Variants in NCAPH observed in about 807,000 individuals in gnomAD.
NCAPH encodes the protein non-SMC condensin I complex subunit H.
A neutral mutation model predicts 85.5 loss-of-function variants in NCAPH; 38 were observed. The ratio of observed to expected loss-of-function variants is 0.44; its 90% CI spans 0.34 to 0.58. NCAPH has a LOEUF of 0.58. Ranked by LOEUF, NCAPH falls within the 20% of genes least tolerant of loss-of-function variation. NCAPH has a pLI of 0.01. For synonymous variants in NCAPH, 301 were observed against 335.1 expected (o/e 0.90, Z 1.11); for missense variants, 789 against 916.6 (o/e 0.86, Z 1.80).
In NCAPH at chr2:96,335,789, C is replaced by T. The variant is rs113152009; in HGVS notation, c.-41C>T. The T allele has an allele frequency of 1.4e-6, 2 of 1,470,008 alleles. No homozygotes were observed. Among genetic ancestry groups the T allele is most frequent in the Non-Finnish European group, 1.8e-6 (2 of 1,111,500 alleles). 91.1% of individuals were successfully genotyped at this position (1,470,008 alleles called of 1,614,324 possible). A position where few individuals can be genotyped will look rare whatever the true frequency, so the allele number is the denominator to read the frequency against. On this transcript the variant is annotated 5_prime_UTR_variant, in exon 1 of 18. The change creates a new upstream start codon in the 5' untranslated region. Transcript: ENST00000240423. ...CCGTTACGGCGCTCAGGCGTCTCGA[C>T]GCGCGCGATTTAAAACCAGCTCAGG...
chr2:96,369,396 G>T, intron 16 of NCAPH, 29 bp from the exon 17 acceptor site: 2 of 1,585,560 alleles, frequency 1.3e-6, no homozygotes, highest in South Asian at 2.2e-5. Context: ...AGTTGGCAGT[G>T]ACCTAAATAC....
rs1363060698 is a variant in NCAPH, at chr2:96,368,973, C to G, written c.2000C>G (p.Ala667Gly). 2 of 1,551,172 alleles carry G rather than the reference C, an allele frequency of 1.3e-6. No homozygotes were observed. The highest frequency in any genetic ancestry group is 2.4e-5 in the East Asian group (1 of 41,034). ...GATGTATAAATGTGCTTCTGTTAGG[C>G]AAACCACAGGGAAGCTGGAAAAGAA... ...ALSGKEADAE[A>G]NHREAGKEAA... is the part of the protein sequence containing the mutation. Residue 667 changes from alanine (A) to glycine (G), a missense_variant and splice_region_variant, in exon 16 of 18, where the codon GCA becomes GGA. By Grantham distance (60) the Ala-to-Gly change is moderately conservative. Transcript: ENST00000240423.
Position 96,365,988 on chromosome 2 carries a change from A to G in NCAPH, c.1811A>G (p.Asp604Gly). The change falls in exon 14 of 18, where the codon GAC becomes GGC. Residue 604 changes from aspartate (D) to glycine (G), a missense_variant. Physicochemically the swap from Asp to Gly is moderately conservative, Grantham distance 94. Coordinates refer to ENST00000240423, the MANE Select transcript of NCAPH (RefSeq NM_015341.5). ...HPPKTAQQNG[D>G]TPEAQGLDIT... ...CCTAAGACAGCACAACAGAATGGTGACACTCCAGAAGCCCAAGGATTAGAC... is the reference window on the plus strand; with the variant it reads ...CCTAAGACAGCACAACAGAATGGTGGCACTCCAGAAGCCCAAGGATTAGAC... The G allele has an allele frequency of 6.2e-7, 1 of 1,614,234 alleles. No homozygotes were observed.
intron 1 of NCAPH, among the ~76,000 whole-genome samples, chr2:96,338,965 T>G (rs1180398236): frequency 6.6e-6 from 1 of 152,072 alleles, no homozygotes; most frequent in Non-Finnish European, 1.5e-5. Flanking sequence ...CACCCGCCAC[T>G]GCGCCCGGCT....
At chr2:96,371,659 G>C (rs772762309) in intron 17 of NCAPH, among the ~76,000 whole-genome samples, 1 of 152,204 alleles carries the variant, frequency 6.6e-6, no homozygotes, top group Admixed American at 6.5e-5. Flanking sequence ...CCCATGACTT[G>C]TTGGGCTGAG....
intron 8 of NCAPH, among the ~76,000 whole-genome samples, chr2:96,353,601 T>C (rs2064479795): frequency 6.6e-6 from 1 of 152,076 alleles, no homozygotes; most frequent in Admixed American, 6.5e-5. Context: ...GGTAAGTGAG[T>C]TCCAGGATCA....
intron 9 of NCAPH, among the ~76,000 whole-genome samples, chr2:96,356,796 C>T (rs13410507): frequency 6.6e-6 from 1 of 152,072 alleles, no homozygotes; most frequent in Admixed American, 6.6e-5. Flanking sequence ...CTTCGGAGGC[C>T]TCTGGATGAA....
At chr2:96,360,270 G>A (rs904895086) in intron 11 of NCAPH, 21 bp downstream of exon 11, 1 of 1,287,478 alleles carries the variant, frequency 7.8e-7, no homozygotes, top group Non-Finnish European at 1.1e-6. Flanking sequence ...AATTTATTAG[G>A]ATTGTGCTTA....
chr2:96,373,593 G>T lies in NCAPH; in HGVS notation c.*242G>T. ...TGGTGACCATCTAGGAGAGGGGAGG[G>T]CAGAGGGGGTGAGGGTACTATTCTG... On this transcript the variant is annotated 3_prime_UTR_variant, in exon 18 of 18. Transcript: ENST00000240423. 2.4e-6 allele frequency: 1 copy of T among 413,198 alleles called. No homozygotes were observed. The highest frequency in any genetic ancestry group is 3.8e-5 in the East Asian group (1 of 26,580). 25.6% of individuals were successfully genotyped at this position (413,198 alleles called of 1,614,324 possible). A position where few individuals can be genotyped will look rare whatever the true frequency, so the allele number is the denominator to read the frequency against.
intron 1 of NCAPH, among the ~76,000 whole-genome samples, chr2:96,340,067 C>T (rs2064270785): frequency 6.6e-6 from 1 of 151,934 alleles, no homozygotes; most frequent in African/African-American, 2.4e-5. Context: ...AGATTACAGG[C>T]GCCCACCACC....
chr2:96,374,393 T>C lies in NCAPH; in HGVS notation c.*1042T>C, dbSNP rs192720048. ...AGTTCTTCCCCTAACCTCAGAGGAA[T>C]AGGGGAATTAACTTTGCTTGCAATT... On this transcript the variant is annotated 3_prime_UTR_variant, in exon 18 of 18. Coordinates refer to ENST00000240423, the MANE Select transcript of NCAPH (RefSeq NM_015341.5). Among the ~76,000 whole-genome samples, 2 of 152,292 alleles carry C rather than the reference T, an allele frequency of 1.3e-5. No individual in the cohort carries two copies. Among genetic ancestry groups the C allele is most frequent in the Non-Finnish European group, 2.9e-5 (2 of 68,014 alleles).
In NCAPH at chr2:96,369,443, T is replaced by C; in HGVS notation, c.2109T>C (p.Ala703=). 1 of 1,614,136 alleles carries C rather than the reference T, an allele frequency of 6.2e-7. No homozygotes were observed. The highest frequency in any genetic ancestry group is 1.1e-5 in the South Asian group (1 of 91,084). The change falls in exon 17 of 18, where the codon GCT becomes GCC. Residue 703 remains alanine, a synonymous_variant. Coordinates refer to ENST00000240423, the MANE Select transcript of NCAPH (RefSeq NM_015341.5). ...TTTCCAGCCTGCCCCCTGTCATGGC[T>C]CAGAACCTCTCCATACCTCTGGCTT... ...DLQRSLPPVM[A]QNLSIPLAFA...
Position 96,350,983 on chromosome 2 carries a change from G to A in NCAPH, c.721-848G>A, listed in dbSNP as rs572582926. On this transcript the variant is annotated intron_variant, in intron 6 of 17. Transcript: ENST00000240423. ...GCCTGTTTTTGCCTTTGGGCTTGGT[G>A]TCATATGGCCATGCCATTCCTGCTC... 1.6e-4 allele frequency among the ~76,000 whole-genome samples: 24 copies of A among 152,318 alleles called. No homozygotes were observed. In the South Asian group the frequency reaches 4.6e-3, roughly 29 times the overall value.
chr2:96,343,384 G>A (rs755856458), intron 5 of NCAPH, 80 bp downstream of exon 5: 5 of 1,457,526 alleles, frequency 3.4e-6, no homozygotes, highest in Non-Finnish European at 4.6e-6. Flanking sequence ...ACTAGAAGAA[G>A]GTCACAAGAA....
At chr2:96,356,455 A>C (rs905743087) in intron 9 of NCAPH, among the ~76,000 whole-genome samples, 9 of 152,242 alleles carry the variant, frequency 5.9e-5, no homozygotes, top group Admixed American at 2.0e-4. Flanking sequence ...TTTGTGCAAG[A>C]TGCTGCGCCA....
At chr2:96,364,245 A>C (rs2064664775) in intron 12 of NCAPH, among the ~76,000 whole-genome samples, 1 of 152,204 alleles carries the variant, frequency 6.6e-6, no homozygotes, top group East Asian at 1.9e-4. Flanking sequence ...CCAGTCACAC[A>C]GAAATAGAGC....
intron 9 of NCAPH, among the ~76,000 whole-genome samples, chr2:96,356,757 C>T (rs58328293): frequency 0.31 from 47,720 of 152,020 alleles, 8,041 homozygotes; most frequent in South Asian, 0.69. Flanking sequence ...GCACCCAGGG[C>T]TGAAAACCAC....
chr2:96,340,278 G>T (rs62153907), intron 1 of NCAPH, among the ~76,000 whole-genome samples: 2 of 151,614 alleles, frequency 1.3e-5, no homozygotes, highest in African/African-American at 4.9e-5. Flanking sequence ...CCCTCTACAT[G>T]CTGATGACTT....
In NCAPH at chr2:96,344,182, C is replaced by A. The variant is rs747957512; in HGVS notation, c.673C>A (p.Gln225Lys). Residue 225 changes from glutamine to lysine, a missense_variant, in exon 6 of 18, where the codon CAG (glutamine) becomes AAG (lysine). Coordinates refer to ENST00000240423, the MANE Select transcript of NCAPH (RefSeq NM_015341.5). ...GAAGCACTTACACAGAACTATTGAG[C>A]AGAACATAAACAACCTCAATGTCTC... The part of the protein sequence containing the change: ...KKKHLHRTIE[Q>K]NINNLNVSEA... 6 of 1,613,520 alleles carry A rather than the reference C, an allele frequency of 3.7e-6. No individual in the cohort carries two copies. In the South Asian group the frequency reaches 4.4e-5, roughly 12 times the overall value.
Sources: gnomAD v4.1 joint callset for allele counts (sites outside exome capture counted in the v4.1 genomes callset) on GRCh38, gnomAD v4.1.1 for gene constraint, MANE v1.5 for transcripts, NCBI Gene and HGNC (gene_info 2026-07-23, HGNC 2026-07-21) for gene names.